LSAMP: variants seen among roughly 807,000 people sequenced by gnomAD.
The protein encoded by LSAMP is limbic system associated membrane protein.
In LSAMP, 7 loss-of-function variants were observed where a neutral mutation model predicts 38.6. That is an observed-to-expected ratio of 0.18 (90% CI 0.10 to 0.34). The LOEUF is 0.34. Ranked by LOEUF, LSAMP falls within the 10% of genes least tolerant of loss-of-function variation. The probability of loss-of-function intolerance (pLI) is 1.00; values close to 1 mark genes in which losing one functional copy is unlikely to be tolerated. For missense variants in LSAMP, 313 were observed against 420.0 expected, an observed-to-expected ratio of 0.75 and a Z score of 2.23; for synonymous variants, 154 against 166.8, an observed-to-expected ratio of 0.92 and a Z score of 0.59.
chr3:116,115,319 C>G (rs1708716767), intron 1 of LSAMP, among the ~76,000 whole-genome samples: 1 of 152,232 alleles, frequency 6.6e-6, no homozygotes, highest in African/African-American at 2.4e-5. Context: ...ATTCTCACAA[C>G]AGCCTATGTA....
At chr3:116,158,040 G>C (rs1709796365) in intron 1 of LSAMP, among the ~76,000 whole-genome samples, 1 of 152,078 alleles carries the variant, frequency 6.6e-6, no homozygotes, top group Admixed American at 6.6e-5. Flanking sequence ...GGGAGGCAAA[G>C]TTGGTTCAAC....
At chr3:116,184,548 TG>T (rs1710565122) in intron 1 of LSAMP, among the ~76,000 whole-genome samples, 1 of 151,864 alleles carries the variant, frequency 6.6e-6, no homozygotes, top group Non-Finnish European at 1.5e-5. Flanking sequence ...AACTGGGATT[TG>T]GGGGTATCTT....
chr3:116,057,735 A>C (rs191444428), intron 2 of LSAMP, among the ~76,000 whole-genome samples: 35 of 152,258 alleles, frequency 2.3e-4, no homozygotes, highest in African/African-American at 7.7e-4. Context: ...TTATGACGTC[A>C]TTTGAACTTC....
At chr3:115,927,138 G>C (rs1937512796) in intron 3 of LSAMP, among the ~76,000 whole-genome samples, 1 of 152,150 alleles carries the variant, frequency 6.6e-6, no homozygotes, top group African/African-American at 2.4e-5. Flanking sequence ...CCCCACGCTT[G>C]CTGACCAAGC....
intron 3 of LSAMP, among the ~76,000 whole-genome samples, chr3:115,891,270 G>C (rs966985983): frequency 1.3e-5 from 2 of 151,982 alleles, no homozygotes; most frequent in African/African-American, 2.4e-5. Context: ...GCTCAGCCTT[G>C]TGATTTGCTG....
At chr3:115,837,057 A>G (rs548099371) in intron 6 of LSAMP, among the ~76,000 whole-genome samples, 57 of 152,344 alleles carry the variant, frequency 3.7e-4, no homozygotes, top group African/African-American at 1.3e-3. Context: ...GGCTTTGCCA[A>G]GTCTTGACTA....
chr3:116,115,710 C>G (rs1708726391), intron 1 of LSAMP, among the ~76,000 whole-genome samples: 1 of 147,708 alleles, frequency 6.8e-6, no homozygotes, highest in Non-Finnish European at 1.5e-5. Context: ...GTCGAGAACC[C>G]TAAATTAAAA....
At chr3:116,397,898 T>C (rs2048789527) in intron 1 of LSAMP, among the ~76,000 whole-genome samples, 1 of 152,088 alleles carries the variant, frequency 6.6e-6, no homozygotes, top group South Asian at 2.1e-4. Context: ...CTTCTTGCCT[T>C]GAGCACACAT....
chr3:116,291,117 C>T (rs1158508633), intron 1 of LSAMP, among the ~76,000 whole-genome samples: 1 of 152,172 alleles, frequency 6.6e-6, no homozygotes. Context: ...GCTTGTTCCT[C>T]TTTGTCTCCT....
intron 6 of LSAMP, among the ~76,000 whole-genome samples, chr3:115,820,947 A>G (rs1934209327): frequency 6.6e-6 from 1 of 152,206 alleles, no homozygotes; most frequent in South Asian, 2.1e-4. Context: ...CCTGGCAGGT[A>G]GAACATTTTC....
chr3:116,189,791 T>C (rs1370103578), intron 1 of LSAMP, among the ~76,000 whole-genome samples: 1 of 152,108 alleles, frequency 6.6e-6, no homozygotes, highest in East Asian at 1.9e-4. Flanking sequence ...CACATGTAAA[T>C]GACAAGTAAA....
chr3:116,019,087 C>T (rs1338343166), intron 3 of LSAMP, among the ~76,000 whole-genome samples: 1 of 143,886 alleles, frequency 6.9e-6, no homozygotes, highest in Non-Finnish European at 1.5e-5. Context: ...GACACTGAAT[C>T]ACCAAACTGG....
chr3:116,089,389 G>C (rs190276090), intron 1 of LSAMP, among the ~76,000 whole-genome samples: 32 of 152,008 alleles, frequency 2.1e-4, no homozygotes, highest in African/African-American at 7.2e-4. Flanking sequence ...ATGGAGTCTC[G>C]CTCCGTCGCC....
At chr3:116,273,732 GTATACATATGTATA>G (rs1393258059) in intron 1 of LSAMP, among the ~76,000 whole-genome samples, 2 of 88,058 alleles carry the variant, frequency 2.3e-5, no homozygotes, top group Non-Finnish European at 4.1e-5. Flanking sequence ...ACGTATATAT[GTATACATATGTATA>G]TATATATAAA....
At chr3:116,350,844 G>A (rs953130312) in intron 1 of LSAMP, among the ~76,000 whole-genome samples, 2 of 151,940 alleles carry the variant, frequency 1.3e-5, no homozygotes, top group African/African-American at 2.4e-5. Context: ...AAAGAAATCC[G>A]TGCTGGTTTT....
intron 1 of LSAMP, among the ~76,000 whole-genome samples, chr3:116,138,245 A>G (rs1054068905): frequency 5.9e-5 from 9 of 152,228 alleles, no homozygotes; most frequent in Admixed American, 2.0e-4. Flanking sequence ...TAGTCATTCA[A>G]CAAACATTCA....
At chr3:116,210,519 G>A (rs539756774) in intron 1 of LSAMP, among the ~76,000 whole-genome samples, 20 of 152,146 alleles carry the variant, frequency 1.3e-4, no homozygotes, top group Non-Finnish European at 2.6e-4. Flanking sequence ...AGGAGCTCTC[G>A]GGCCTTTGGC....
chr3:115,952,442 T>C (rs746725137), intron 3 of LSAMP, among the ~76,000 whole-genome samples: 2 of 152,182 alleles, frequency 1.3e-5, no homozygotes, highest in African/African-American at 2.4e-5. Flanking sequence ...TTGGAGACCA[T>C]TATTCTAAGT....
chr3:116,007,444 G>A (rs935365460), intron 3 of LSAMP, among the ~76,000 whole-genome samples: 1 of 152,102 alleles, frequency 6.6e-6, no homozygotes, highest in African/African-American at 2.4e-5. Context: ...CAGTGTACTG[G>A]GAGACTTGCA....
Sources: allele counts gnomAD v4.1 joint callset (sites outside exome capture counted in the v4.1 genomes callset), GRCh38; gene constraint gnomAD v4.1.1; transcripts MANE v1.5; gene names NCBI Gene and HGNC (gene_info 2026-07-23, HGNC 2026-07-21).